Variants in EEF1AKMT1 observed in about 807,000 individuals in gnomAD.
The protein encoded by EEF1AKMT1 is N-6 adenine-specific DNA methyltransferase 2 (putative).
In EEF1AKMT1, 18 loss-of-function variants were observed where a neutral mutation model predicts 21.0. The ratio of observed to expected loss-of-function variants is 0.86; its 90% CI spans 0.59 to 1.27. The LOEUF is 1.27. EEF1AKMT1 is among the 50% of genes most tolerant of loss of function. The pLI is 0.00. For synonymous variants in EEF1AKMT1, 109 were observed against 94.8 expected, an observed-to-expected ratio of 1.15 and a Z score of -0.87; for missense variants, 246 against 258.6, an observed-to-expected ratio of 0.95 and a Z score of 0.33.
intron 2 of EEF1AKMT1, among the ~76,000 whole-genome samples, chr13:20,739,616 G>C (rs1049468190): frequency 6.6e-5 from 10 of 152,162 alleles, no homozygotes; most frequent in African/African-American, 2.4e-4. Flanking sequence ...AGATTAGCTA[G>C]ACACAGAGCA....
intron 4 of EEF1AKMT1, 112 bp from the exon 5 acceptor site, chr13:20,729,328 A>G: frequency 8.2e-7 from 1 of 1,216,764 alleles, no homozygotes; most frequent in Non-Finnish European, 1.2e-6. Context: ...TTAGTTGACA[A>G]TTCACAAGTG....
chr13:20,729,231 G>A lies in EEF1AKMT1; in HGVS notation c.509-15C>T. ...CATGATGGCACCTGAAGAGAACAAAGCAAATGAATCCAGAGAGTGACAACC... is the reference window on the plus strand; with the variant it reads ...CATGATGGCACCTGAAGAGAACAAAACAAATGAATCCAGAGAGTGACAACC... On this transcript the variant is annotated splice_polypyrimidine_tract_variant and intron_variant, in intron 4 of 4. Transcript: ENST00000382758. 1 of 1,614,074 alleles carries A rather than the reference G, an allele frequency of 6.2e-7. No individual in the cohort carries two copies. The highest frequency in any genetic ancestry group is 1.1e-5 in the South Asian group (1 of 91,084).
chr13:20,740,702 C>T (rs1390134118), intron 2 of EEF1AKMT1, among the ~76,000 whole-genome samples: 2 of 152,168 alleles, frequency 1.3e-5, no homozygotes, highest in African/African-American at 2.4e-5. Flanking sequence ...ACTCGGGAGA[C>T]TGAGGCAGGA....
intron 1 of EEF1AKMT1, among the ~76,000 whole-genome samples, chr13:20,767,330 A>AAAT (rs1555327590): frequency 2.0e-5 from 3 of 150,366 alleles, no homozygotes; most frequent in African/African-American, 7.4e-5. Context: ...AAAAAAAAAA[A>AAAT]AGATATTTCC....
chr13:20,739,821 T>C (rs936302881), intron 2 of EEF1AKMT1, among the ~76,000 whole-genome samples: 23 of 152,204 alleles, frequency 1.5e-4, no homozygotes, highest in African/African-American at 5.5e-4. Flanking sequence ...TAGCTAGACA[T>C]AAAAATTTTC....
At chr13:20,764,384 A>T (rs992177009) in intron 1 of EEF1AKMT1, among the ~76,000 whole-genome samples, 1 of 152,154 alleles carries the variant, frequency 6.6e-6, no homozygotes, top group Admixed American at 6.6e-5. Flanking sequence ...TAATTTCAAC[A>T]CTTTTTAAAA....
At chr13:20,738,398 T>G (rs559867951) in intron 2 of EEF1AKMT1, among the ~76,000 whole-genome samples, 22 of 152,356 alleles carry the variant, frequency 1.4e-4, no homozygotes, top group African/African-American at 4.8e-4. Context: ...TCTTTATCTA[T>G]TCATAGTTAT....
intron 1 of EEF1AKMT1, among the ~76,000 whole-genome samples, chr13:20,770,007 C>T (rs960424612): frequency 4.0e-5 from 6 of 151,858 alleles, no homozygotes; most frequent in Non-Finnish European, 7.4e-5. Flanking sequence ...CTGAAAAATA[C>T]AATAATGAAA....
Position 20,732,033 on chromosome 13 carries a change from T to TGTC in EEF1AKMT1, c.313_315dup (p.Asp105dup), listed in dbSNP as rs1273344208. The stretch of plus-strand genomic sequence containing the variant: ...TCCTCTCCATACATGGCAAATCTTT[T>TGTC]GTCATATTCAAAGATGTATATCGAA... On this transcript the variant is annotated inframe_insertion, in exon 4 of 5. Coordinates refer to ENST00000382758, the MANE Select transcript of EEF1AKMT1 (RefSeq NM_001318939.2). The TGTC allele has an allele frequency of 6.2e-7, 1 of 1,614,128 alleles. No individual in the cohort carries two copies. Among genetic ancestry groups the TGTC allele is most frequent in the Non-Finnish European group, 8.5e-7 (1 of 1,180,062 alleles).
chr13:20,740,534 G>A (rs1377054730), intron 2 of EEF1AKMT1, among the ~76,000 whole-genome samples: 4 of 152,240 alleles, frequency 2.6e-5, no homozygotes, highest in South Asian at 2.1e-4. Context: ...GCCGGGTGTG[G>A]TGGCTCACGC....
At chr13:20,734,516 A>G (rs2141412300) in intron 3 of EEF1AKMT1, among the ~76,000 whole-genome samples, 1 of 152,360 alleles carries the variant, frequency 6.6e-6, no homozygotes, top group South Asian at 2.1e-4. Flanking sequence ...CAACGCACTT[A>G]CAACAGGAGA....
In EEF1AKMT1 at chr13:20,756,267, T is replaced by C. The variant is rs367661745; in HGVS notation, c.144+1188A>G. ...CAAGCCTTTTCTGTTTCCCAACTAT[T>C]TCCTTTAAAAAAAAAAATTATAGGT... is the stretch of plus-strand genomic sequence containing the variant. On this transcript the variant is annotated intron_variant, in intron 2 of 4. Transcript: ENST00000382758. 8.7e-4 allele frequency among the ~76,000 whole-genome samples: 133 copies of C among 152,238 alleles called. 3 individuals carry two copies. In the South Asian group the frequency reaches 0.026, roughly 29 times the overall value.
intron 1 of EEF1AKMT1, among the ~76,000 whole-genome samples, chr13:20,771,046 A>T (rs889016658): frequency 2.6e-5 from 4 of 151,904 alleles, no homozygotes; most frequent in African/African-American, 9.7e-5. Flanking sequence ...TGTCCAGCTA[A>T]TTTTTGTAGA....
At chr13:20,749,517 A>G (rs1020158803) in intron 2 of EEF1AKMT1, among the ~76,000 whole-genome samples, 3 of 152,232 alleles carry the variant, frequency 2.0e-5, no homozygotes, top group African/African-American at 7.2e-5. Flanking sequence ...CAATGTAATG[A>G]GACTTGTCAT....
At chr13:20,759,418 A>G (rs2058987438) in intron 1 of EEF1AKMT1, among the ~76,000 whole-genome samples, 1 of 152,094 alleles carries the variant, frequency 6.6e-6, no homozygotes, top group Non-Finnish European at 1.5e-5. Flanking sequence ...TCTCTACTAA[A>G]AAATACAAAC....
In EEF1AKMT1 at chr13:20,773,914, C is replaced by T. The variant is rs1450753797; in HGVS notation, c.-20+7G>A. The T allele has an allele frequency of 6.6e-6, 1 of 152,514 alleles. No individual in the cohort carries two copies. Among genetic ancestry groups the T allele is most frequent in the Admixed American group, 6.5e-5 (1 of 15,294 alleles). The allele number at this position is 152,514 out of a possible 1,614,324, so 9.4% of individuals were successfully genotyped here. A position where few individuals can be genotyped will look rare whatever the true frequency, so the allele number is the denominator to read the frequency against. ...ACCCTACAGCTGCGCCCGAACCCGC[C>T]ACTCACCAGCCGCGCGTGCGCAGTC... On this transcript the variant is annotated splice_region_variant and intron_variant, in intron 1 of 4. Transcript: ENST00000382758.
chr13:20,748,520 C>T (rs553730427), intron 2 of EEF1AKMT1, among the ~76,000 whole-genome samples: 1 of 151,998 alleles, frequency 6.6e-6, no homozygotes, highest in South Asian at 2.1e-4. Flanking sequence ...CATTGAGCCT[C>T]ACTCCTCAGA....
chr13:20,734,577 A>ATTTAT (rs71198994), intron 3 of EEF1AKMT1, among the ~76,000 whole-genome samples: 2 of 147,578 alleles, frequency 1.4e-5, no homozygotes, highest in African/African-American at 2.5e-5. Context: ...TCTTTATTTT[A>ATTTAT]TTATTTATTT....
rs1555327133 is a variant in EEF1AKMT1 at position 20,760,123 on chromosome 13, A to AAAAAAAAG, written c.-19-2507_-19-2506insCTTTTTTT. On this transcript the variant is annotated intron_variant, in intron 1 of 4. Coordinates refer to ENST00000382758, the MANE Select transcript of EEF1AKMT1 (RefSeq NM_001318939.2). ...CTGTCTCAAAAAAAAAAAAAAAAAA[A>AAAAAAAAG]AAGTCAAAAAATAACAGATGTGGGC... Among the ~76,000 whole-genome samples the AAAAAAAAG allele has an allele frequency of 4.3e-3, 543 of 127,380 alleles. 13 individuals are homozygous for AAAAAAAAG. The highest frequency in any genetic ancestry group is 0.025 in the East Asian group (98 of 3,886). 83.6% of individuals were successfully genotyped at this position (127,380 alleles called of 152,430 possible). A position where few individuals can be genotyped will look rare whatever the true frequency, so the allele number is the denominator to read the frequency against.
Sources: gnomAD v4.1 joint callset for allele counts (sites outside exome capture counted in the v4.1 genomes callset) on GRCh38, gnomAD v4.1.1 for gene constraint, MANE v1.5 for transcripts, NCBI Gene and HGNC (gene_info 2026-07-23, HGNC 2026-07-21) for gene names.